RANBP17: variants seen among roughly 807,000 people sequenced by gnomAD.
RANBP17 encodes the protein ran-binding protein 17.
A neutral mutation model predicts 141.2 loss-of-function variants in RANBP17; 158 were observed. The ratio of observed to expected loss-of-function variants is 1.12; its 90% CI spans 0.98 to 1.28. The LOEUF (loss-of-function observed/expected upper bound fraction) is 1.28. Among genes scored for constraint, RANBP17 ranks in the 50% most tolerant of loss-of-function variants. RANBP17 has a pLI of 0.00. For missense variants in RANBP17, 1,438 were observed against 1,290.7 expected, an observed-to-expected ratio of 1.11 and a Z score of -1.75; for synonymous variants, 430 against 450.0, an observed-to-expected ratio of 0.96 and a Z score of 0.56.
chr5:171,024,186 TA>T (rs1363061550), intron 14 of RANBP17, among the ~76,000 whole-genome samples: 1 of 152,126 alleles, frequency 6.6e-6, no homozygotes, highest in Non-Finnish European at 1.5e-5. Context: ...TAATTTAAGA[TA>T]ATAGAGAATC....
At chr5:171,263,331 A>G (rs1766457572) in intron 24 of RANBP17, among the ~76,000 whole-genome samples, 1 of 152,174 alleles carries the variant, frequency 6.6e-6, no homozygotes, top group East Asian at 1.9e-4. Context: ...ACTCCCAGGG[A>G]TCATGTGCAA....
chr5:170,862,903 T>G (rs1245095715), intron 1 of RANBP17, among the ~76,000 whole-genome samples: 1 of 152,150 alleles, frequency 6.6e-6, no homozygotes, highest in Non-Finnish European at 1.5e-5. Flanking sequence ...GTAGAAATAG[T>G]CACAGTATCA....
chr5:171,145,307 A>G (rs78186753), intron 14 of RANBP17, among the ~76,000 whole-genome samples: 2,704 of 152,270 alleles, frequency 0.018, 87 homozygotes, highest in African/African-American at 0.062. Context: ...TGGGTAAGCT[A>G]GTATCTTAGC....
intron 14 of RANBP17, among the ~76,000 whole-genome samples, chr5:171,088,529 G>T: frequency 6.6e-6 from 1 of 152,138 alleles, no homozygotes; most frequent in African/African-American, 2.4e-5. Flanking sequence ...GATTGGGGAA[G>T]TTCTCCTGGA....
rs1760567352 is a variant in RANBP17, at chr5:171,177,529, C to T, written c.1866-5638C>T. On this transcript the variant is annotated intron_variant, in intron 16 of 27. Transcript: ENST00000523189. ...CTTGGGCCAAGGAAATTTATTTTAC[C>T]TACCCCTTGATAACCTTCATTATCT... Among the ~76,000 whole-genome samples, 4 of 152,098 alleles carry T rather than the reference C, an allele frequency of 2.6e-5. No individual in the cohort carries two copies. The South Asian group carries it at 8.3e-4, about 31-fold the overall frequency.
At chr5:170,876,414 A>G (rs1768182186) in intron 1 of RANBP17, among the ~76,000 whole-genome samples, 2 of 152,106 alleles carry the variant, frequency 1.3e-5, no homozygotes, top group South Asian at 4.2e-4. Context: ...TGGATAAAAC[A>G]ATATAATTTT....
intron 14 of RANBP17, among the ~76,000 whole-genome samples, chr5:171,118,142 T>A (rs1310834997): frequency 1.3e-5 from 2 of 152,184 alleles, no homozygotes; most frequent in African/African-American, 4.8e-5. Context: ...ATTTAGGTCT[T>A]TGATCTATTT....
chr5:171,042,956 T>G (rs1230589899), intron 14 of RANBP17, among the ~76,000 whole-genome samples: 1 of 152,142 alleles, frequency 6.6e-6, no homozygotes, highest in African/African-American at 2.4e-5. Context: ...TAAATAAGAT[T>G]GTACTTAGTG....
chr5:171,073,784 A>G (rs1446054359), intron 14 of RANBP17, among the ~76,000 whole-genome samples: 1 of 152,084 alleles, frequency 6.6e-6, no homozygotes, highest in East Asian at 1.9e-4. Context: ...TGGGACAGGT[A>G]AAATACAAGA....
chr5:171,137,572 A>ATGTGTGTGTGTGTGTG (rs140713117), intron 14 of RANBP17, among the ~76,000 whole-genome samples: 33 of 141,104 alleles, frequency 2.3e-4, no homozygotes, highest in Non-Finnish European at 3.5e-4. Flanking sequence ...TTGACTTGAG[A>ATGTGTGTGTGTGTGTG]TGTGTGTGTG....
At chr5:171,033,840 G>A (rs1230646185) in intron 14 of RANBP17, among the ~76,000 whole-genome samples, 1 of 152,146 alleles carries the variant, frequency 6.6e-6, no homozygotes, top group African/African-American at 2.4e-5. Context: ...AGTTCTCAGT[G>A]CAGAGTGGTT....
Position 171,252,076 on chromosome 5 carries a change from C to G in RANBP17, c.2776+9256C>G, listed in dbSNP as rs566976032. On this transcript the variant is annotated intron_variant, in intron 24 of 27. Coordinates refer to ENST00000523189, the MANE Select transcript of RANBP17 (RefSeq NM_022897.5). ...TCTTACATGCTTAGCAGATCTCTTC[C>G]ATAGCATAGCCACTCAGAAGAAAAA... 2.4e-4 allele frequency: 386 copies of G among 1,600,038 alleles called. 2 individuals are homozygous for G. In the South Asian group the frequency reaches 3.9e-3, roughly 16 times the overall value.
At chr5:171,063,268 GT>G (rs966412357) in intron 14 of RANBP17, among the ~76,000 whole-genome samples, 4 of 152,166 alleles carry the variant, frequency 2.6e-5, no homozygotes, top group Non-Finnish European at 5.9e-5. Context: ...TTTCTGCTCT[GT>G]TTTTTCCCCA....
chr5:171,246,656 A>G (rs955277454), intron 24 of RANBP17, among the ~76,000 whole-genome samples: 1 of 152,218 alleles, frequency 6.6e-6, no homozygotes, highest in African/African-American at 2.4e-5. Flanking sequence ...AATTAGTTTC[A>G]GTTAGCTATG....
intron 12 of RANBP17, among the ~76,000 whole-genome samples, chr5:170,949,088 G>C (rs1775001673): frequency 6.6e-6 from 1 of 152,148 alleles, no homozygotes; most frequent in Admixed American, 6.6e-5. Flanking sequence ...GCTGCAGTGA[G>C]CTATGATTTT....
intron 24 of RANBP17, among the ~76,000 whole-genome samples, chr5:171,250,520 T>C (rs1211614926): frequency 6.6e-6 from 1 of 151,968 alleles, no homozygotes; most frequent in Non-Finnish European, 1.5e-5. Context: ...ATTTAAATTA[T>C]CCAGTTAAAA....
chr5:170,896,528 A>T (rs1019259660), intron 5 of RANBP17, among the ~76,000 whole-genome samples: 1 of 149,236 alleles, frequency 6.7e-6, no homozygotes, highest in African/African-American at 2.6e-5. Flanking sequence ...CAGGACTCAT[A>T]AAAAAACAGG....
intron 14 of RANBP17, among the ~76,000 whole-genome samples, chr5:171,089,141 G>A (rs1034467223): frequency 3.3e-5 from 5 of 150,706 alleles, no homozygotes; most frequent in African/African-American, 7.3e-5. Flanking sequence ...ATGGGTTTTC[G>A]GTGTGGATGT....
intron 16 of RANBP17, among the ~76,000 whole-genome samples, chr5:171,173,019 T>C (rs1445799): frequency 0.55 from 84,026 of 151,786 alleles, 24,923 homozygotes; most frequent in South Asian, 0.76. Flanking sequence ...CATGGGTACA[T>C]TGATTTATAT....
Sources: allele counts gnomAD v4.1 joint callset (sites outside exome capture counted in the v4.1 genomes callset), GRCh38; gene constraint gnomAD v4.1.1; transcripts MANE v1.5; gene names NCBI Gene and HGNC (gene_info 2026-07-23, HGNC 2026-07-21).